STK3: variants seen among roughly 807,000 people sequenced by gnomAD.
STK3 encodes the protein serine/threonine-protein kinase 3.
A neutral mutation model predicts 58.0 loss-of-function variants in STK3; 41 were observed. The observed-to-expected ratio is 0.71, with a 90% confidence interval of 0.55 to 0.92. The LOEUF is 0.92. Among genes scored for constraint, STK3 ranks in the 40% least tolerant of loss-of-function variants. STK3 has a pLI of 0.00. For missense variants in STK3, 479 were observed against 602.7 expected, an observed-to-expected ratio of 0.79 and a Z score of 2.15; for synonymous variants, 170 against 191.0, an observed-to-expected ratio of 0.89 and a Z score of 0.91.
intron 6 of STK3, among the ~76,000 whole-genome samples, chr8:98,599,777 G>A (rs1816175049): frequency 6.6e-6 from 1 of 152,028 alleles, no homozygotes; most frequent in Non-Finnish European, 1.5e-5. Flanking sequence ...TTCGAGACCA[G>A]CCTGGCCAAT....
chr8:98,358,320 C>G, the STK3 span, among the ~76,000 whole-genome samples: 1 of 152,094 alleles, frequency 6.6e-6, no homozygotes, highest in East Asian at 1.9e-4. Flanking sequence ...GGTCCAATCA[C>G]ACGCCCGTTA....
the STK3 span, among the ~76,000 whole-genome samples, chr8:98,354,544 C>T: frequency 6.6e-6 from 1 of 152,182 alleles, no homozygotes; most frequent in Non-Finnish European, 1.5e-5. Flanking sequence ...CTCAGGCTAC[C>T]TACCTCTAGA....
At chr8:98,512,844 G>A (rs1330095511) in intron 10 of STK3, among the ~76,000 whole-genome samples, 1 of 152,128 alleles carries the variant, frequency 6.6e-6, no homozygotes, top group African/African-American at 2.4e-5. Context: ...TGATTTTCCA[G>A]ATCAGTGGTG....
At chr8:98,517,693 T>C (rs1825037868) in intron 10 of STK3, among the ~76,000 whole-genome samples, 1 of 152,146 alleles carries the variant, frequency 6.6e-6, no homozygotes, top group Non-Finnish European at 1.5e-5. Flanking sequence ...TATGCATTAC[T>C]AGTTTCCTCA....
At chr8:98,576,686 T>G (rs1315157582) in intron 8 of STK3, among the ~76,000 whole-genome samples, 1 of 152,224 alleles carries the variant, frequency 6.6e-6, no homozygotes, top group African/African-American at 2.4e-5. Context: ...CTTTTTACAT[T>G]TTTCATTGCT....
At chr8:98,442,345 G>A (rs748491303) in intron 1 of STK3, among the ~76,000 whole-genome samples, 5 of 152,204 alleles carry the variant, frequency 3.3e-5, no homozygotes, top group Non-Finnish European at 7.3e-5. Flanking sequence ...ATGTCTGGTC[G>A]AGGCATGGGC....
At chr8:98,619,828 G>A (rs1425451047) in intron 6 of STK3, among the ~76,000 whole-genome samples, 7 of 112,706 alleles carry the variant, frequency 6.2e-5, no homozygotes, top group Non-Finnish European at 1.1e-4. Context: ...AGGTGCTGGA[G>A]AGGATGTGGA....
intron 4 of STK3, among the ~76,000 whole-genome samples, chr8:98,714,493 CA>C (rs1449089339): frequency 6.6e-6 from 1 of 152,102 alleles, no homozygotes; most frequent in Non-Finnish European, 1.5e-5. Context: ...CAATAACAGA[CA>C]AACAGAGAGA....
At chr8:98,755,993 AT>A (rs1490237095) in intron 3 of STK3, among the ~76,000 whole-genome samples, 1 of 152,050 alleles carries the variant, frequency 6.6e-6, no homozygotes, top group Admixed American at 6.6e-5. Context: ...TACAAAAAAA[AT>A]TAGCTGGGCG....
chr8:98,632,613 A>G lies in STK3; in HGVS notation c.685-36444T>C, dbSNP rs542444661. Reference sequence around the variant, plus strand: ...GGACATATGCCATACTATAGTCAGTAAAGTTCAACATTAACATTTTAGATG... The same window carrying G: ...GGACATATGCCATACTATAGTCAGTGAAGTTCAACATTAACATTTTAGATG... On this transcript the variant is annotated intron_variant, in intron 6 of 10. Coordinates refer to ENST00000419617, the MANE Select transcript of STK3 (RefSeq NM_006281.4). 9.8e-5 allele frequency among the ~76,000 whole-genome samples: 15 copies of G among 152,384 alleles called. No homozygotes were observed. The South Asian group carries it at 3.1e-3, about 32-fold the overall frequency.
chr8:98,523,453 C>A (rs1402673702), intron 10 of STK3, among the ~76,000 whole-genome samples: 2 of 151,112 alleles, frequency 1.3e-5, no homozygotes, highest in African/African-American at 4.9e-5. Flanking sequence ...CGGCTCACTG[C>A]AACCTCCATC....
intron 6 of STK3, among the ~76,000 whole-genome samples, chr8:98,683,164 T>G (rs1282559449): frequency 1.3e-5 from 2 of 151,674 alleles, no homozygotes; most frequent in Non-Finnish European, 2.9e-5. Flanking sequence ...GGAACTAAAG[T>G]GCCAAAAAAT....
At chr8:98,558,685 T>G (rs1288816967) in intron 8 of STK3, among the ~76,000 whole-genome samples, 1 of 152,082 alleles carries the variant, frequency 6.6e-6, no homozygotes, top group Non-Finnish European at 1.5e-5. Flanking sequence ...TTTTCTTTTC[T>G]TCATTCTTTC....
At chr8:98,815,142 T>C (rs570528002) in intron 1 of STK3, among the ~76,000 whole-genome samples, 2 of 152,230 alleles carry the variant, frequency 1.3e-5, no homozygotes, top group South Asian at 2.1e-4. Flanking sequence ...CCAGAGCAAA[T>C]AGGAAGAACA....
At chr8:98,651,104 G>C (rs960484742) in intron 6 of STK3, among the ~76,000 whole-genome samples, 1 of 152,236 alleles carries the variant, frequency 6.6e-6, no homozygotes, top group African/African-American at 2.4e-5. Context: ...AGTAGGGGCA[G>C]ACTGACACCT....
At chr8:98,786,229 A>G (rs1832455052) in intron 1 of STK3, among the ~76,000 whole-genome samples, 2 of 152,368 alleles carry the variant, frequency 1.3e-5, no homozygotes, top group South Asian at 4.1e-4. Context: ...TGAAAGCTTT[A>G]TCAATAGACT....
intron 3 of STK3, among the ~76,000 whole-genome samples, chr8:98,762,940 C>T (rs1056545975): frequency 3.9e-5 from 6 of 152,200 alleles, no homozygotes; most frequent in African/African-American, 1.4e-4. Context: ...CAGTCACTAA[C>T]TAGCAGTGTG....
intron 3 of STK3, among the ~76,000 whole-genome samples, chr8:98,837,216 C>A (rs1835778311): frequency 6.6e-6 from 1 of 151,778 alleles, no homozygotes; most frequent in Admixed American, 6.6e-5. Context: ...TGGCCCTTGC[C>A]CTCTCAGAAC....
In STK3 at chr8:98,768,974, C is replaced by G. The variant is rs1587565445; in HGVS notation, c.108-1603G>C. Among the ~76,000 whole-genome samples the G allele has an allele frequency of 2.6e-5, 4 of 152,150 alleles. No homozygotes were observed. In the South Asian group the frequency reaches 8.3e-4, roughly 32 times the overall value. ...ATTCCCAGAGAGCTTTTGAGAAACA[C>G]CCACTTCAGTGCTTCAGGCTGAGAT... On this transcript the variant is annotated intron_variant, in intron 2 of 10. Coordinates refer to ENST00000419617, the MANE Select transcript of STK3 (RefSeq NM_006281.4).
Sources: allele counts gnomAD v4.1 joint callset (sites outside exome capture counted in the v4.1 genomes callset), GRCh38; gene constraint gnomAD v4.1.1; transcripts MANE v1.5; gene names NCBI Gene and HGNC (gene_info 2026-07-23, HGNC 2026-07-21).